LRRC8C: variants seen among roughly 807,000 people sequenced by gnomAD.
The protein encoded by LRRC8C is volume-regulated anion channel subunit LRRC8C.
Under a neutral mutation model 55.3 loss-of-function variants are expected in LRRC8C, and 20 were observed. The ratio of observed to expected loss-of-function variants is 0.36; its 90% CI spans 0.25 to 0.53. The LOEUF (loss-of-function observed/expected upper bound fraction) is 0.53, where lower values mean the gene tolerates loss of function less well. Ranked by LOEUF, LRRC8C falls within the 20% of genes least tolerant of loss-of-function variation. The pLI is 0.92. For synonymous variants in LRRC8C, 376 were observed against 360.7 expected, an observed-to-expected ratio of 1.04 and a Z score of -0.48; for missense variants, 659 against 951.4, an observed-to-expected ratio of 0.69 and a Z score of 4.04.
intron 1 of LRRC8C, among the ~76,000 whole-genome samples, chr1:89,682,959 A>G (rs1657762913): frequency 6.6e-6 from 1 of 152,218 alleles, no homozygotes; most frequent in African/African-American, 2.4e-5. Context: ...AGTATGTGGC[A>G]TATATATCCT....
At chr1:89,678,831 G>A (rs1265563229) in intron 1 of LRRC8C, among the ~76,000 whole-genome samples, 1 of 152,140 alleles carries the variant, frequency 6.6e-6, no homozygotes, top group African/African-American at 2.4e-5. Flanking sequence ...AGATAGACTT[G>A]CTATTTACTG....
At chr1:89,679,896 A>G (rs1259403467) in intron 1 of LRRC8C, among the ~76,000 whole-genome samples, 2 of 152,220 alleles carry the variant, frequency 1.3e-5, no homozygotes, top group African/African-American at 4.8e-5. Context: ...GAATCACACT[A>G]GAATAAGTTT....
At chr1:89,689,865 C>T (rs545066498) in intron 2 of LRRC8C, among the ~76,000 whole-genome samples, 3 of 151,704 alleles carry the variant, frequency 2.0e-5, no homozygotes. Flanking sequence ...CGCCTGAACC[C>T]GGGAGGCAAA....
intron 2 of LRRC8C, among the ~76,000 whole-genome samples, chr1:89,693,084 A>AG (rs1258672612): frequency 6.6e-6 from 1 of 152,124 alleles, no homozygotes; most frequent in East Asian, 1.9e-4. Context: ...CTGAATTTGG[A>AG]GGGGAAAAAA....
intron 2 of LRRC8C, among the ~76,000 whole-genome samples, chr1:89,694,629 A>T (rs1457876581): frequency 1.7e-5 from 2 of 116,152 alleles, no homozygotes; most frequent in Admixed American, 2.5e-4. Context: ...TCACTCTGTC[A>T]CCCAGGCTGG....
At chr1:89,697,989 A>C (rs1309791868) in intron 2 of LRRC8C, among the ~76,000 whole-genome samples, 2 of 152,216 alleles carry the variant, frequency 1.3e-5, no homozygotes, top group Non-Finnish European at 2.9e-5. Context: ...GTATGTCAAT[A>C]TTTACAGTGA....
chr1:89,714,944 C>G lies in LRRC8C; in HGVS notation c.2374C>G (p.Leu792Val). The change falls in exon 3 of 3, where the codon CTG (leucine) becomes GTG (valine). Residue 792 changes from leucine to valine, a missense_variant. Leu to Val is a conservative substitution (Grantham distance 32, BLOSUM62 1). Around this residue, in one of 5 missense-constraint regions of LRRC8C, gnomAD observed 344 missense variants for 464.6 expected, o/e 0.74. Coordinates refer to ENST00000370454, the MANE Select transcript of LRRC8C (RefSeq NM_032270.5). This position sits in a 1 kb window ranked among gnomAD's most constrained non-coding sequence, Gnocchi z 4.6. The stretch of plus-strand genomic sequence containing the variant: ...TGTAGAAGATGCTCTGTTTGAAACT[C>G]TGCCTTCTGACGTCCGGGAGCAAAT... ...LVVEDALFET[L>V]PSDVREQMKT... The G allele has an allele frequency of 8.2e-6, 13 of 1,593,510 alleles. No individual in the cohort carries two copies. The highest frequency in any genetic ancestry group is 2.2e-5 in the East Asian group (1 of 44,770).
upstream of LRRC8C, chr1:89,633,092 A>C (rs1453410051): frequency 1.3e-5 from 2 of 151,080 alleles, no homozygotes; most frequent in African/African-American, 2.4e-5. Flanking sequence ...GGGGAGGCGG[A>C]GGGGAGGAGG....
At chr1:89,706,284 T>C (rs1658481316) in intron 2 of LRRC8C, 1 of 456,192 alleles carries the variant, frequency 2.2e-6, no homozygotes. Context: ...TTCGTTTATA[T>C]GTTCTTTGTT....
At chr1:89,704,487 G>A (rs1658416820) in intron 2 of LRRC8C, among the ~76,000 whole-genome samples, 1 of 152,012 alleles carries the variant, frequency 6.6e-6, no homozygotes, top group Non-Finnish European at 1.5e-5. Flanking sequence ...CAAGGTGCAG[G>A]AACAATACAT....
chr1:89,682,865 T>G, intron 1 of LRRC8C, among the ~76,000 whole-genome samples: 1 of 152,244 alleles, frequency 6.6e-6, no homozygotes, highest in East Asian at 1.9e-4. Context: ...AAAGCTCTTG[T>G]GTAATGGAGT....
intron 2 of LRRC8C, among the ~76,000 whole-genome samples, chr1:89,711,533 T>G (rs933163279): frequency 2.6e-5 from 4 of 152,364 alleles, no homozygotes; most frequent in Admixed American, 6.5e-5. Flanking sequence ...TCTTTGGTTA[T>G]TCTTCCTTTG....
chr1:89,706,014 G>T (rs927895490), intron 2 of LRRC8C, among the ~76,000 whole-genome samples: 1 of 152,002 alleles, frequency 6.6e-6, no homozygotes, highest in Non-Finnish European at 1.5e-5. Flanking sequence ...TACTACTAGG[G>T]TTGTTTTTCC....
intron 1 of LRRC8C, among the ~76,000 whole-genome samples, chr1:89,673,491 C>T (rs1347966615): frequency 6.6e-6 from 1 of 152,226 alleles, no homozygotes; most frequent in Non-Finnish European, 1.5e-5. Context: ...TTTCAAAATA[C>T]TGTACCGTTT....
At chr1:89,639,318 TA>T (rs1656390136) in intron 1 of LRRC8C, among the ~76,000 whole-genome samples, 1 of 152,162 alleles carries the variant, frequency 6.6e-6, no homozygotes, top group South Asian at 2.1e-4. Flanking sequence ...CTGCGTTCCA[TA>T]ACTAAGAGAT....
In LRRC8C at chr1:89,719,323, C is replaced by T. The variant is rs545107632; in HGVS notation, c.*4341C>T. 1.3e-5 allele frequency: 2 copies of T among 152,258 alleles called. No individual in the cohort carries two copies. Among genetic ancestry groups the T allele is most frequent in the South Asian group, 4.1e-4 (2 of 4,822 alleles). 9.4% of individuals were successfully genotyped at this position (152,258 alleles called of 1,614,324 possible). A position where few individuals can be genotyped will look rare whatever the true frequency, so the allele number is the denominator to read the frequency against. On this transcript the variant is annotated 3_prime_UTR_variant, in exon 3 of 3. Transcript: ENST00000370454. ...ATGAATATTTTTATTGGAGCTCAAACTCCATGACTTACGTGCTCACTAAGT... is the reference window on the plus strand; with the variant it reads ...ATGAATATTTTTATTGGAGCTCAAATTCCATGACTTACGTGCTCACTAAGT...
Position 89,718,272 on chromosome 1 carries a change from C to A in LRRC8C, c.*3290C>A, listed in dbSNP as rs1658880531. On this transcript the variant is annotated 3_prime_UTR_variant, in exon 3 of 3. Transcript: ENST00000370454. ...ATTGCATCGTATGCAGTAGGTACTG[C>A]TTTTTCAGAAAGACCTGGAAAACAT... The A allele has an allele frequency of 6.6e-6, 1 of 152,136 alleles. No homozygotes were observed. Among genetic ancestry groups the A allele is most frequent in the African/African-American group, 2.4e-5 (1 of 41,438 alleles). 9.4% of individuals were successfully genotyped at this position (152,136 alleles called of 1,614,324 possible).
At chr1:89,643,145 G>C (rs1012017935) in intron 1 of LRRC8C, among the ~76,000 whole-genome samples, 10 of 152,156 alleles carry the variant, frequency 6.6e-5, no homozygotes, top group African/African-American at 2.4e-4. Flanking sequence ...TGGCCAGAGT[G>C]CAATGGCACA....
chr1:89,651,529 C>T (rs1656779345), intron 1 of LRRC8C, among the ~76,000 whole-genome samples: 1 of 132,746 alleles, frequency 7.5e-6, no homozygotes, highest in Admixed American at 8.1e-5. Context: ...GATCGCGCCA[C>T]TGCACTCCAG....
Sources: allele counts gnomAD v4.1 joint callset (sites outside exome capture counted in the v4.1 genomes callset), GRCh38; gene constraint gnomAD v4.1.1; regional missense constraint gnomAD v4.1.1; non-coding constraint Gnocchi (gnomAD v3.1); transcripts MANE v1.5; gene names NCBI Gene and HGNC (gene_info 2026-07-23, HGNC 2026-07-21).